Variants in ITSN1 observed in about 807,000 individuals in gnomAD.
ITSN1 encodes the protein intersectin-1.
ITSN1 carries 58 observed loss-of-function variants against 239.8 expected under a neutral mutation model. That is an observed-to-expected ratio of 0.24 (90% CI 0.20 to 0.30). The LOEUF is 0.30. Ranked by LOEUF, ITSN1 falls within the 10% of genes least tolerant of loss-of-function variation. ITSN1 has a pLI of 1.00. For synonymous variants in ITSN1, 780 were observed against 770.8 expected (o/e 1.01, Z -0.20); for missense variants, 1,558 against 2,103.3 (o/e 0.74, Z 5.07).
intron 4 of ITSN1, 53 bp from the exon 5 acceptor site, chr21:33,734,991 G>C: frequency 6.6e-7 from 1 of 1,517,768 alleles, no homozygotes; most frequent in Non-Finnish European, 8.9e-7. Context: ...GGTGGTTTTG[G>C]AAAGGTTCTT....
rs781025852 is a variant in ITSN1, at chr21:33,735,146, T to C, written c.288T>C (p.Ser96=). The stretch of plus-strand genomic sequence containing the variant: ...AGCTACAAGGATATCAGCTACCCTC[T>C]GCACTTCCCCCTGTCATGAAACAGC... ...KLKLQGYQLP[S]ALPPVMKQQP... Residue 96 remains serine (S), a synonymous_variant, in exon 5 of 40, where the codon TCT becomes TCC. Coordinates refer to ENST00000381318, the MANE Select transcript of ITSN1 (RefSeq NM_003024.3). The C allele has an allele frequency of 3.7e-6, 6 of 1,614,060 alleles. No homozygotes were observed. The highest frequency in any genetic ancestry group is 1.7e-5 in the Admixed American group (1 of 60,028).
chr21:33,841,474 A>T (rs1050675982), intron 29 of ITSN1, among the ~76,000 whole-genome samples: 3 of 152,216 alleles, frequency 2.0e-5, no homozygotes, highest in African/African-American at 7.2e-5. Flanking sequence ...CACAGACCAC[A>T]TCACCCTCAG....
At chr21:33,748,702 G>GTA (rs138281674) in intron 5 of ITSN1, among the ~76,000 whole-genome samples, 146 of 149,298 alleles carry the variant, frequency 9.8e-4, no homozygotes, top group East Asian at 2.0e-3. Context: ...AAAAATACAC[G>GTA]TATATATATA....
At chr21:33,760,456 G>C (rs1188026225) in intron 8 of ITSN1, among the ~76,000 whole-genome samples, 3 of 152,120 alleles carry the variant, frequency 2.0e-5, no homozygotes, top group Admixed American at 6.5e-5. Flanking sequence ...GTGCTTTTCT[G>C]TCAGGATTTT....
At position 33,875,347 on chromosome 21, in the gene ITSN1, T is replaced by A. The variant is rs1161556479; in HGVS notation, c.4174-7T>A. 2.5e-6 allele frequency: 4 copies of A among 1,614,004 alleles called. No individual in the cohort carries two copies. Among genetic ancestry groups the A allele is most frequent in the Non-Finnish European group, 3.4e-6 (4 of 1,179,990 alleles). The stretch of plus-strand genomic sequence containing the variant: ...AAGGAGGTGGTTGTTTTTATTCTCC[T>A]GTGTAGATCCTGGAAAACACCCCTG... On this transcript the variant is annotated splice_polypyrimidine_tract_variant and splice_region_variant and intron_variant, in intron 33 of 39. Coordinates refer to ENST00000381318, the MANE Select transcript of ITSN1 (RefSeq NM_003024.3).
intron 4 of ITSN1, among the ~76,000 whole-genome samples, chr21:33,729,290 TA>T (rs775675760): frequency 6.6e-4 from 98 of 148,912 alleles, no homozygotes; most frequent in Non-Finnish European, 1.0e-3. Flanking sequence ...GTCTCTACTT[TA>T]AAAAAAAAAT....
chr21:33,870,755 G>A (rs768500524), intron 33 of ITSN1, among the ~76,000 whole-genome samples: 1 of 152,184 alleles, frequency 6.6e-6, no homozygotes, highest in African/African-American at 2.4e-5. Flanking sequence ...GTGAGACCCT[G>A]TCTCTACTAA....
rs142361441 is a variant in ITSN1 at position 33,781,510 on chromosome 21, A to G, written c.1646A>G (p.Asn549Ser). ...GRLIPEKQIL[N>S]DQLKQVQQNS... ...CTTATTCCAGAAAAACAGATACTCAATGACCAATTAAAACAAGTTCAGCAG... is the reference window on the plus strand; with the variant it reads ...CTTATTCCAGAAAAACAGATACTCAGTGACCAATTAAAACAAGTTCAGCAG... The change falls in exon 15 of 40, where the codon AAT (asparagine) becomes AGT (serine). Residue 549 changes from asparagine to serine, a missense_variant. By Grantham distance (46) the Asn-to-Ser change is conservative. Transcript: ENST00000381318. 5.3e-4 allele frequency: 842 copies of G among 1,594,408 alleles called. 4 individuals are homozygous for G. The African/African-American group carries it at 0.01, about 20-fold the overall frequency.
intron 17 of ITSN1, among the ~76,000 whole-genome samples, chr21:33,795,612 G>C (rs1444445990): frequency 2.0e-5 from 3 of 152,018 alleles, no homozygotes; most frequent in African/African-American, 4.8e-5. Flanking sequence ...TGGGGTCCCA[G>C]ACCAATTTAC....
chr21:33,888,552 G>T lies in ITSN1; in HGVS notation c.*252G>T. The T allele has an allele frequency of 5.2e-6, 2 of 385,690 alleles. No individual in the cohort carries two copies. Among genetic ancestry groups the T allele is most frequent in the East Asian group, 9.4e-5 (2 of 21,268 alleles). 23.9% of individuals were successfully genotyped at this position (385,690 alleles called of 1,614,324 possible). On this transcript the variant is annotated 3_prime_UTR_variant, in exon 40 of 40. Transcript: ENST00000381318. ...CTACAGGTCTCATTATGGCTTCTAG[G>T]GTCGCTGAAATCCCATAGCCCTCAA...
chr21:33,837,797 AGATTT>A, intron 29 of ITSN1: 1 of 985,896 alleles, frequency 1.0e-6, no homozygotes, highest in Non-Finnish European at 1.2e-6. Context: ...GTTCGGTCTC[AGATTT>A]ATCTGGTTGA....
At chr21:33,811,994 G>A (rs2072949791) in intron 21 of ITSN1, among the ~76,000 whole-genome samples, 1 of 152,094 alleles carries the variant, frequency 6.6e-6, no homozygotes. Flanking sequence ...TGCTGGAGAA[G>A]GATCAGATGG....
At chr21:33,849,057 A>G (rs958330468) in intron 29 of ITSN1, among the ~76,000 whole-genome samples, 2 of 152,158 alleles carry the variant, frequency 1.3e-5, no homozygotes, top group Non-Finnish European at 2.9e-5. Context: ...CCCGGCCAAC[A>G]TGGTGAAACC....
At chr21:33,816,157 C>T (rs983663479) in intron 22 of ITSN1, among the ~76,000 whole-genome samples, 4 of 151,302 alleles carry the variant, frequency 2.6e-5, no homozygotes, top group African/African-American at 9.7e-5. Flanking sequence ...CACACCACTG[C>T]ACTTCAGCCT....
intron 1 of ITSN1, among the ~76,000 whole-genome samples, chr21:33,675,099 A>T (rs1448744460): frequency 1.3e-5 from 2 of 152,096 alleles, no homozygotes; most frequent in South Asian, 4.1e-4. Flanking sequence ...TTATAACCTA[A>T]TTTTTTCAGT....
intron 34 of ITSN1, among the ~76,000 whole-genome samples, chr21:33,879,332 C>G (rs1984514688): frequency 6.6e-6 from 1 of 152,012 alleles, no homozygotes; most frequent in African/African-American, 2.4e-5. Context: ...ACGTGGGCAA[C>G]AGAGCAAGAC....
At chr21:33,650,486 A>G (rs2088417251) in intron 1 of ITSN1, among the ~76,000 whole-genome samples, 1 of 152,238 alleles carries the variant, frequency 6.6e-6, no homozygotes, top group Non-Finnish European at 1.5e-5. Context: ...TTGTTCTAAC[A>G]CAGACAAAAT....
rs1459187633 is a variant in ITSN1, at chr21:33,888,329, G to T, written c.*29G>T. 1 of 1,586,022 alleles carries T rather than the reference G, an allele frequency of 6.3e-7. No homozygotes were observed. Among genetic ancestry groups the T allele is most frequent in the African/African-American group, 1.3e-5 (1 of 74,112 alleles). On this transcript the variant is annotated 3_prime_UTR_variant, in exon 40 of 40. Coordinates refer to ENST00000381318, the MANE Select transcript of ITSN1 (RefSeq NM_003024.3). ...GCGGGCTCAGGGTGTGCTCAGCAGG[G>T]TCCCAGCCCACGGCCACACATGCTG...
intron 1 of ITSN1, among the ~76,000 whole-genome samples, chr21:33,667,109 T>G (rs1171343602): frequency 1.3e-5 from 2 of 150,840 alleles, no homozygotes; most frequent in Non-Finnish European, 3.0e-5. Context: ...TTTGTAAGCA[T>G]AAGCCACCAC....
Sources: allele counts gnomAD v4.1 joint callset (sites outside exome capture counted in the v4.1 genomes callset), GRCh38; gene constraint gnomAD v4.1.1; transcripts MANE v1.5; gene names NCBI Gene and HGNC (gene_info 2026-07-23, HGNC 2026-07-21).